Variants in IL1RAPL1 observed in about 807,000 individuals in gnomAD.
IL1RAPL1 encodes the protein interleukin-1 receptor accessory protein-like 1.
IL1RAPL1 carries 3 observed loss-of-function variants against 48.4 expected under a neutral mutation model. The observed-to-expected ratio is 0.06, with a 90% CI of 0.03 to 0.16. The LOEUF is 0.16. IL1RAPL1 is among the 10% of genes least tolerant of loss of function. IL1RAPL1 has a pLI of 1.00. For synonymous variants in IL1RAPL1, 185 were observed against 187.7 expected (o/e 0.99, Z 0.12); for missense variants, 349 against 530.6 (o/e 0.66, Z 3.36).
chrX:29,885,597 G>C (rs1380111664), intron 6 of IL1RAPL1, among the ~76,000 whole-genome samples: 1 of 111,502 alleles, frequency 9.0e-6, no homozygotes, highest in Non-Finnish European at 1.9e-5. Context: ...AATCTCTTGA[G>C]GCCAGGACTT....
At chrX:28,884,091 G>A (rs1434524122) in intron 2 of IL1RAPL1, among the ~76,000 whole-genome samples, 1 of 111,172 alleles carries the variant, frequency 9.0e-6, no homozygotes, top group Non-Finnish European at 1.9e-5. Context: ...CGAGTTAGTG[G>A]GTGCAGCGCA....
chrX:28,640,449 G>A (rs189950782), intron 1 of IL1RAPL1, among the ~76,000 whole-genome samples: 188 of 109,995 alleles, frequency 1.7e-3, no homozygotes, highest in African/African-American at 5.9e-3. Flanking sequence ...AGGTTCATGC[G>A]ATCTTCCTGC....
At chrX:28,644,794 G>A (rs1934588605) in intron 1 of IL1RAPL1, among the ~76,000 whole-genome samples, 1 of 111,752 alleles carries the variant, frequency 8.9e-6, no homozygotes, top group Non-Finnish European at 1.9e-5. Flanking sequence ...TCGCTGCCCT[G>A]TAACTGTTCA....
At chrX:29,650,928 G>GA (rs926135590) in intron 5 of IL1RAPL1, among the ~76,000 whole-genome samples, 33 of 110,476 alleles carry the variant, frequency 3.0e-4, no homozygotes, top group African/African-American at 8.2e-4. Flanking sequence ...CAACTCAATA[G>GA]AAAAAAGTCA....
At chrX:29,722,726 G>A (rs575677119) in intron 6 of IL1RAPL1, among the ~76,000 whole-genome samples, 5 of 111,413 alleles carry the variant, frequency 4.5e-5, no homozygotes, top group Admixed American at 9.6e-5. Context: ...CTTTCTTGAC[G>A]ATCCTTGCAC....
chrX:29,624,853 AT>A (rs1360136512), intron 5 of IL1RAPL1, among the ~76,000 whole-genome samples: 1 of 111,215 alleles, frequency 9.0e-6, no homozygotes, highest in African/African-American at 3.3e-5. Flanking sequence ...TCTCAAAAAA[AT>A]ATTATTATAA....
Position 28,979,102 on chromosome X carries a change from G to T in IL1RAPL1, c.82+189677G>T, listed in dbSNP as rs760080791. ...AGGACAAGGTCTCTGGAGTCAAAAA[G>T]TTCAGTGAATTACTAGGGCAAGATG... On this transcript the variant is annotated intron_variant, in intron 2 of 10. Coordinates refer to ENST00000378993, the MANE Select transcript of IL1RAPL1 (RefSeq NM_014271.4). Among the ~76,000 whole-genome samples the T allele has an allele frequency of 1.8e-3, 206 of 111,818 alleles. 1 individual carries two copies. The highest frequency in any genetic ancestry group is 6.5e-3 in the African/African-American group (201 of 30,771).
At chrX:29,396,916 A>G (rs752782768) in intron 4 of IL1RAPL1, among the ~76,000 whole-genome samples, 11 of 112,172 alleles carry the variant, frequency 9.8e-5, no homozygotes, top group African/African-American at 2.9e-4. Flanking sequence ...ATGTATAAAC[A>G]TAAACATTTT....
intron 6 of IL1RAPL1, among the ~76,000 whole-genome samples, chrX:29,891,370 T>C (rs746448791): frequency 8.9e-6 from 1 of 111,965 alleles, no homozygotes; most frequent in African/African-American, 3.2e-5. Flanking sequence ...AGTGTTCTGC[T>C]TTTCCAAATG....
intron 1 of IL1RAPL1, among the ~76,000 whole-genome samples, chrX:28,625,509 C>T (rs1437527672): frequency 8.9e-6 from 1 of 111,878 alleles, no homozygotes; most frequent in Non-Finnish European, 1.9e-5. Context: ...ATGGGAAGGG[C>T]AGCTCTTCCC....
intron 6 of IL1RAPL1, among the ~76,000 whole-genome samples, chrX:29,854,578 A>G (rs773751739): frequency 2.2e-4 from 24 of 111,619 alleles, no homozygotes; most frequent in African/African-American, 6.2e-4. Context: ...AGATGGCTAC[A>G]TTTGAATCCC....
At chrX:29,206,732 T>A (rs773032623) in intron 2 of IL1RAPL1, among the ~76,000 whole-genome samples, 3 of 111,889 alleles carry the variant, frequency 2.7e-5, no homozygotes, top group African/African-American at 9.7e-5. Context: ...ATACAAGTAT[T>A]TGTACCATTT....
intron 5 of IL1RAPL1, among the ~76,000 whole-genome samples, chrX:29,405,376 AT>A (rs1242045865): frequency 1.7e-4 from 16 of 95,805 alleles, no homozygotes; most frequent in South Asian, 1.4e-3. Flanking sequence ...TTATTTATTT[AT>A]TTTTTTTGAG....
intron 5 of IL1RAPL1, among the ~76,000 whole-genome samples, chrX:29,562,831 TAAAA>T (rs1922281613): frequency 1.8e-5 from 2 of 111,889 alleles, no homozygotes; most frequent in Non-Finnish European, 3.8e-5. Flanking sequence ...TAAAAACAGA[TAAAA>T]AGGCTTTCAT....
chrX:29,122,379 T>A (rs1487023207), intron 2 of IL1RAPL1, among the ~76,000 whole-genome samples: 1 of 105,561 alleles, frequency 9.5e-6, no homozygotes, highest in Non-Finnish European at 1.9e-5. Flanking sequence ...TTGGGATATA[T>A]ACATCTCTCT....
At chrX:29,436,882 A>T (rs1444199163) in intron 5 of IL1RAPL1, among the ~76,000 whole-genome samples, 1 of 110,761 alleles carries the variant, frequency 9.0e-6, no homozygotes, top group Non-Finnish European at 1.9e-5. Context: ...TTTATAAAGT[A>T]CATGTGTGTG....
intron 3 of IL1RAPL1, among the ~76,000 whole-genome samples, chrX:29,376,291 A>AT (rs1933621497): frequency 9.0e-6 from 1 of 110,855 alleles, no homozygotes; most frequent in Non-Finnish European, 1.9e-5. Flanking sequence ...ATTTCAAAGT[A>AT]TATTTTGGTT....
intron 2 of IL1RAPL1, among the ~76,000 whole-genome samples, chrX:28,915,141 A>G (rs1422808973): frequency 1.8e-5 from 2 of 111,343 alleles, no homozygotes; most frequent in Middle Eastern, 4.7e-3. Flanking sequence ...ACAGTTTACA[A>G]TAGGGTTTGT....
chrX:29,526,879 C>G (rs1015251501), intron 5 of IL1RAPL1, among the ~76,000 whole-genome samples: 7 of 111,728 alleles, frequency 6.3e-5, no homozygotes, highest in Non-Finnish European at 1.3e-4. Context: ...AAAATACCAA[C>G]ATGCTTTGCT....
Sources: gnomAD v4.1 joint callset for allele counts (sites outside exome capture counted in the v4.1 genomes callset) on GRCh38, gnomAD v4.1.1 for gene constraint, MANE v1.5 for transcripts, NCBI Gene and HGNC (gene_info 2026-07-23, HGNC 2026-07-21) for gene names.